The following GADD45A variants were observed in gnomAD, a reference collection of about 807,000 sequenced individuals.
The protein encoded by GADD45A is growth arrest and DNA damage-inducible protein GADD45 alpha.
GADD45A carries 9 observed loss-of-function variants against 17.7 expected under a neutral mutation model. The ratio of observed to expected loss-of-function variants is 0.51; its 90% CI spans 0.31 to 0.89. The LOEUF is 0.89. GADD45A is among the 40% of genes least tolerant of loss of function. The probability of loss-of-function intolerance (pLI) is 0.05; values close to 1 mark genes in which losing one functional copy is unlikely to be tolerated. For missense variants in GADD45A, 149 were observed against 220.6 expected (o/e 0.68, Z 2.06); for synonymous variants, 95 against 92.2 (o/e 1.03, Z -0.17).
At chr1:67,685,912 T>G in intron 1 of GADD45A, 113 bp from the exon 2 acceptor site, 1 of 682,350 alleles carries the variant, frequency 1.5e-6, no homozygotes, top group Non-Finnish European at 2.5e-6. Context: ...AGAGCCCAGG[T>G]GCGCGGTGGT....
In GADD45A at chr1:67,686,108, C is replaced by G; in HGVS notation, c.128C>G (p.Ala43Gly). 2 of 1,610,386 alleles carry G rather than the reference C, an allele frequency of 1.2e-6. No homozygotes were observed. Among genetic ancestry groups the G allele is most frequent in the Non-Finnish European group, 1.7e-6 (2 of 1,178,442 alleles). Residue 43 changes from alanine (A) to glycine (G), a missense_variant, in exon 2 of 4, where the codon GCG (alanine) becomes GGG (glycine). Ala to Gly is a moderately conservative substitution (Grantham distance 60). Transcript: ENST00000370986. Reference sequence around the variant, plus strand: ...ACGATCACTGTCGGGGTGTACGAAGCGGCCAAGCTGCTCAACGTGTAAGTG... The same window carrying G: ...ACGATCACTGTCGGGGTGTACGAAGGGGCCAAGCTGCTCAACGTGTAAGTG... ...QRTITVGVYE[A>G]AKLLNVDPDN...
intron 3 of GADD45A, among the ~76,000 whole-genome samples, chr1:67,687,144 T>C (rs898350339): frequency 3.2e-4 from 48 of 152,106 alleles, no homozygotes; most frequent in African/African-American, 1.2e-3. Context: ...GGGGTAAATG[T>C]GCTACTTTTG....
At position 67,686,407 on chromosome 1, in the gene GADD45A, T is replaced by A; in HGVS notation, c.204T>A (p.Asp68Glu). ...LLAADEDDDR[D>E]VALQIHFTLI... is the part of the protein sequence containing the mutation. ...CGGCGGACGAGGACGACGACAGAGA[T>A]GTGGCTCTGCAGATCCACTTCACCC... is the stretch of plus-strand genomic sequence containing the variant. Residue 68 changes from aspartate (D) to glutamate (E), a missense_variant, in exon 3 of 4, where the codon GAT becomes GAA. Physicochemically the swap from Asp to Glu is conservative, Grantham distance 45 (BLOSUM62 2). Coordinates refer to ENST00000370986, the MANE Select transcript of GADD45A (RefSeq NM_001924.4). 6.2e-7 allele frequency: 1 copy of A among 1,613,700 alleles called. No homozygotes were observed. The highest frequency in any genetic ancestry group is 8.5e-7 in the Non-Finnish European group (1 of 1,179,838).
rs1232948027 is a variant in GADD45A at position 67,686,471 on chromosome 1, C to T, written c.268C>T (p.Leu90=). 1 of 1,613,698 alleles carries T rather than the reference C, an allele frequency of 6.2e-7. No individual in the cohort carries two copies. The highest frequency in any genetic ancestry group is 8.5e-7 in the Non-Finnish European group (1 of 1,179,884). Residue 90 remains leucine (L), a synonymous_variant, in exon 3 of 4, where the codon CTG becomes TTG. Transcript: ENST00000370986. The stretch of plus-strand genomic sequence containing the variant: ...TTGCTGCGAGAACGACATCAACATC[C>T]TGCGCGTCAGCAACCCGGGCCGGCT... ...AFCCENDINI[L]RVSNPGRLAE... is the part of the protein sequence containing the mutation.
chr1:67,686,264 G>A (rs1336443290), intron 2 of GADD45A, 86 bp from the exon 3 acceptor site: 12 of 1,396,156 alleles, frequency 8.6e-6, no homozygotes, highest in East Asian at 2.5e-5. Flanking sequence ...GGGGGCGAGC[G>A]GGCCGGGCGG....
chr1:67,686,018 C>A lies in GADD45A; in HGVS notation c.45-7C>A, dbSNP rs938989431. 6.3e-6 allele frequency: 10 copies of A among 1,593,382 alleles called. No homozygotes were observed. The highest frequency in any genetic ancestry group is 8.5e-6 in the Non-Finnish European group (10 of 1,169,758). ...TGACGGGACCCCTCGCCCTTGCCCG[C>A]GTGTAGGATGGATAAGGTGGGGGAT... On this transcript the variant is annotated splice_region_variant and splice_polypyrimidine_tract_variant and intron_variant, in intron 1 of 3. Coordinates refer to ENST00000370986, the MANE Select transcript of GADD45A (RefSeq NM_001924.4).
intron 1 of GADD45A, chr1:67,685,809 G>A: frequency 1.7e-6 from 1 of 595,152 alleles, no homozygotes; most frequent in Non-Finnish European, 3.0e-6. Context: ...GCCTGTGGCA[G>A]GGGCACTCTC....
chr1:67,686,584 G>T lies in GADD45A; in HGVS notation c.381G>T (p.Val127=). 6.2e-7 allele frequency: 1 copy of T among 1,609,026 alleles called. No homozygotes were observed. The highest frequency in any genetic ancestry group is 8.5e-7 in the Non-Finnish European group (1 of 1,177,202). ...CCCCGGACCTGCACTGCGTGCTGGT[G>T]ACGGTAAGGGACTGGGGGACTGCAG... ...EQPPDLHCVL[V]TNPHSSQWKD... Residue 127 remains valine, a synonymous_variant, in exon 3 of 4, where the codon GTG becomes GTT. Coordinates refer to ENST00000370986, the MANE Select transcript of GADD45A (RefSeq NM_001924.4).
intron 3 of GADD45A, among the ~76,000 whole-genome samples, chr1:67,687,081 CT>C (rs372925717): frequency 0.18 from 26,953 of 146,826 alleles, 2,594 homozygotes; most frequent in African/African-American, 0.26. Context: ...TTTAATGGCT[CT>C]TTTTTTTTTT....
In GADD45A at chr1:67,686,301, T is replaced by G. The variant is rs765256224; in HGVS notation, c.147-49T>G. 17 of 1,559,048 alleles carry G rather than the reference T, an allele frequency of 1.1e-5. No homozygotes were observed. The South Asian group carries it at 1.9e-4, about 18-fold the overall frequency. ...GACCCCCAGGGACCCGGGCAGTGGT[T>G]GAGGGCGCCCGCGCTTCTGCGCTCA... is the stretch of plus-strand genomic sequence containing the variant. On this transcript the variant is annotated intron_variant, in intron 2 of 3. Transcript: ENST00000370986.
Position 67,687,774 on chromosome 1 carries a change from A to G in GADD45A, c.498A>G (p.Ter166TrpextTer8). 6.3e-7 allele frequency: 1 copy of G among 1,585,648 alleles called. No homozygotes were observed. Among genetic ancestry groups the G allele is most frequent in the South Asian group, 1.1e-5 (1 of 90,388 alleles). ...CAGTGATTAATCTCCCTGAACGGTG[A>G]TGGCATCTGAATGAAAATAACTGAA... ...WVPVINLPER[*>W] The change falls in exon 4 of 4, where the codon TGA (stop) becomes TGG (tryptophan). Residue 166 changes from the stop codon to tryptophan, a stop_lost. Coordinates refer to ENST00000370986, the MANE Select transcript of GADD45A (RefSeq NM_001924.4).
intron 1 of GADD45A, 27 bp from the exon 2 acceptor site, chr1:67,685,998 G>A: frequency 6.5e-7 from 1 of 1,530,314 alleles, no homozygotes; most frequent in East Asian, 2.4e-5. Context: ...GGGGCTGACG[G>A]GACCCCTCGC....
intron 1 of GADD45A, 185 bp downstream of exon 1, chr1:67,685,723 C>A: frequency 1.5e-6 from 1 of 647,812 alleles, no homozygotes; most frequent in African/African-American, 1.9e-5. Context: ...TGCCCCCCAA[C>A]CCGAACGAGC....
Position 67,685,320 on chromosome 1 carries a change from C to G in GADD45A, c.-175C>G, listed in dbSNP as rs900528532. 1.8e-6 allele frequency: 1 copy of G among 554,786 alleles called. No homozygotes were observed. The highest frequency in any genetic ancestry group is 3.4e-5 in the East Asian group (1 of 29,348). The allele number at this position is 554,786 out of a possible 1,614,324, so 34.4% of individuals were successfully genotyped here. A position where few individuals can be genotyped will look rare whatever the true frequency, so the allele number is the denominator to read the frequency against. On this transcript the variant is annotated 5_prime_UTR_variant, in exon 1 of 4. Coordinates refer to ENST00000370986, the MANE Select transcript of GADD45A (RefSeq NM_001924.4). ...GCGGGAGGGGTGGCCGGAGCTGCGG[C>G]GGCTGGCACAGGAGGAGGAGCCCGG...
intron 1 of GADD45A, 188 bp downstream of exon 1, chr1:67,685,726 G>A (rs976634537): frequency 1.2e-5 from 8 of 647,758 alleles, no homozygotes; most frequent in Admixed American, 5.8e-5. Flanking sequence ...CCCCCAACCC[G>A]AACGAGCCCC....
At position 67,686,516 on chromosome 1, in the gene GADD45A, G is replaced by A. The variant is rs973809012; in HGVS notation, c.313G>A (p.Glu105Lys). 17 of 1,613,046 alleles carry A rather than the reference G, an allele frequency of 1.1e-5. No individual in the cohort carries two copies. The highest frequency in any genetic ancestry group is 4.5e-5 in the East Asian group (2 of 44,890). Reference protein sequence around the residue: ...PGRLAELLLLETDAGPAASEG... With the variant: ...PGRLAELLLLKTDAGPAASEG... ...CCGGCTGGCGGAGCTCCTGCTCTTGGAGACCGACGCTGGCCCCGCGGCGAG... is the reference window on the plus strand; with the variant it reads ...CCGGCTGGCGGAGCTCCTGCTCTTGAAGACCGACGCTGGCCCCGCGGCGAG... Residue 105 changes from glutamate (E) to lysine (K), a missense_variant, in exon 3 of 4, where the codon GAG becomes AAG. Transcript: ENST00000370986.
At position 67,686,311 on chromosome 1, in the gene GADD45A, C is replaced by G. The variant is rs763198913; in HGVS notation, c.147-39C>G. The G allele has an allele frequency of 8.2e-6, 13 of 1,578,718 alleles. No homozygotes were observed. The Admixed American group carries it at 2.3e-4, about 28-fold the overall frequency. On this transcript the variant is annotated intron_variant, in intron 2 of 3. Transcript: ENST00000370986. ...GACCCGGGCAGTGGTTGAGGGCGCC[C>G]GCGCTTCTGCGCTCACTGGCCCCGC... is the stretch of plus-strand genomic sequence containing the variant.
chr1:67,686,804 A>G (rs1646137307), intron 3 of GADD45A, among the ~76,000 whole-genome samples: 1 of 152,234 alleles, frequency 6.6e-6, no homozygotes, highest in African/African-American at 2.4e-5. Flanking sequence ...GGGGACTGCC[A>G]GCAGCGGAAG....
intron 1 of GADD45A, 176 bp downstream of exon 1, chr1:67,685,714 GC>G (rs1210129248): frequency 5.9e-6 from 4 of 681,378 alleles, no homozygotes; most frequent in Admixed American, 2.7e-5. Flanking sequence ...GAAAGAGCGT[GC>G]CCCCCAACCC....
Sources: allele counts gnomAD v4.1 joint callset (sites outside exome capture counted in the v4.1 genomes callset), GRCh38; gene constraint gnomAD v4.1.1; transcripts MANE v1.5; gene names NCBI Gene and HGNC (gene_info 2026-07-23, HGNC 2026-07-21).